CSMD1: variants seen among roughly 807,000 people sequenced by gnomAD.
The protein encoded by CSMD1 is CUB and Sushi multiple domains 1, also known as CUB and sushi domain-containing protein 1.
A neutral mutation model predicts 417.5 loss-of-function variants in CSMD1; 213 were observed. That is an observed-to-expected ratio of 0.51 (90% CI 0.46 to 0.57). The LOEUF is 0.57. Ranked by LOEUF, CSMD1 falls within the 20% of genes least tolerant of loss-of-function variation. The probability of loss-of-function intolerance (pLI) is 0.00; values close to 1 mark genes in which losing one functional copy is unlikely to be tolerated. For synonymous variants in CSMD1, 2,862 were observed against 1,736.8 expected (o/e 1.65, Z -16.11); for missense variants, 6,923 against 4,529.7 (o/e 1.53, Z -15.17).
intron 2 of CSMD1, among the ~76,000 whole-genome samples, chr8:4,529,702 T>C (rs1166920549): frequency 2.6e-5 from 4 of 152,030 alleles, no homozygotes; most frequent in Non-Finnish European, 4.4e-5. Context: ...ATTCATAGAA[T>C]ATGTGGCAAT....
intron 1 of CSMD1, among the ~76,000 whole-genome samples, chr8:4,830,279 G>T (rs912093212): frequency 1.3e-5 from 2 of 152,100 alleles, no homozygotes; most frequent in African/African-American, 4.8e-5. Context: ...GTAAAGAAAG[G>T]AACCATGAGG....
intron 1 of CSMD1, among the ~76,000 whole-genome samples, chr8:4,848,075 T>G (rs919428330): frequency 3.3e-4 from 51 of 152,278 alleles, no homozygotes; most frequent in African/African-American, 1.2e-3. Flanking sequence ...GTCATAGACA[T>G]GCTGTATGGT....
chr8:4,010,521 C>G (rs1408974414), intron 4 of CSMD1, among the ~76,000 whole-genome samples: 1 of 152,156 alleles, frequency 6.6e-6, no homozygotes, highest in Non-Finnish European at 1.5e-5. Flanking sequence ...CATGCCATCA[C>G]CATTCCCATC....
At chr8:3,789,390 GTTTTTTTTTTTAAGTAAGTT>G (rs772175300) in intron 5 of CSMD1, among the ~76,000 whole-genome samples, 17 of 136,558 alleles carry the variant, frequency 1.2e-4, no homozygotes, top group Non-Finnish European at 1.8e-4. Context: ...TTTAAGTAGT[GTTTTTTTTTTTAAGTAAGTT>G]TTTTTTTTTT....
intron 3 of CSMD1, among the ~76,000 whole-genome samples, chr8:4,121,094 A>C (rs748248952): frequency 1.3e-5 from 2 of 151,552 alleles, no homozygotes; most frequent in Non-Finnish European, 2.9e-5. Flanking sequence ...TTTTTATTTT[A>C]TTTTTTATTT....
At position 4,150,179 on chromosome 8, in the gene CSMD1, T is replaced by C. The variant is rs1026920007; in HGVS notation, c.416-118080A>G. On this transcript the variant is annotated intron_variant, in intron 3 of 69. Coordinates refer to ENST00000635120, the MANE Select transcript of CSMD1 (RefSeq NM_033225.6). The stretch of plus-strand genomic sequence containing the variant: ...GGATAGACAAAATCCAGGTATGTCC[T>C]GAGGCATCTGTCTTGTAGTCACAGG... Among the ~76,000 whole-genome samples, 6 of 152,226 alleles carry C rather than the reference T, an allele frequency of 3.9e-5. No individual in the cohort carries two copies. In the East Asian group the frequency reaches 1.2e-3, roughly 29 times the overall value.
At chr8:4,172,357 T>G (rs1797812829) in intron 3 of CSMD1, among the ~76,000 whole-genome samples, 1 of 152,108 alleles carries the variant, frequency 6.6e-6, no homozygotes, top group East Asian at 1.9e-4. Context: ...AAGTTTAAAT[T>G]GGATTACCTA....
chr8:3,901,607 G>C lies in CSMD1; in HGVS notation c.818+96296C>G, dbSNP rs555306415. Among the ~76,000 whole-genome samples the C allele has an allele frequency of 2.0e-3, 310 of 152,324 alleles. 1 individual carries two copies. The highest frequency in any genetic ancestry group is 7.1e-3 in the African/African-American group (296 of 41,574). On this transcript the variant is annotated intron_variant, in intron 5 of 69. Coordinates refer to ENST00000635120, the MANE Select transcript of CSMD1 (RefSeq NM_033225.6). ...GCCTTGGGGCTCAGATCTTTTGATA[G>C]TTTCTCTGAAAACCACCGAAGTAAA...
chr8:4,251,668 G>A (rs1314095022), intron 3 of CSMD1, among the ~76,000 whole-genome samples: 2 of 152,130 alleles, frequency 1.3e-5, no homozygotes, highest in Non-Finnish European at 2.9e-5. Context: ...TTAATAGTCT[G>A]GGATTGGTGG....
chr8:3,650,947 C>T (rs539435015), intron 7 of CSMD1, among the ~76,000 whole-genome samples: 5 of 152,284 alleles, frequency 3.3e-5, no homozygotes, highest in South Asian at 4.1e-4. Context: ...AAGCCTGCTT[C>T]GCCCACTATA....
chr8:3,535,840 A>G (rs1405149595), intron 10 of CSMD1, among the ~76,000 whole-genome samples: 3 of 152,092 alleles, frequency 2.0e-5, no homozygotes. Flanking sequence ...GTTTTTGTAT[A>G]TGAAGTGTGG....
chr8:3,448,599 A>T (rs1362671904), intron 12 of CSMD1, among the ~76,000 whole-genome samples: 1 of 152,072 alleles, frequency 6.6e-6, no homozygotes, highest in Non-Finnish European at 1.5e-5. Context: ...GTACTAATAA[A>T]AGGACCACAT....
At chr8:4,419,087 G>A (rs750795951) in intron 3 of CSMD1, among the ~76,000 whole-genome samples, 2 of 152,082 alleles carry the variant, frequency 1.3e-5, no homozygotes, top group African/African-American at 2.4e-5. Flanking sequence ...AGTATTCCCA[G>A]TAAGAATATA....
At chr8:4,319,465 T>G (rs572150129) in intron 3 of CSMD1, among the ~76,000 whole-genome samples, 56 of 152,200 alleles carry the variant, frequency 3.7e-4, no homozygotes, top group African/African-American at 1.2e-3. Flanking sequence ...AGCTACTCCT[T>G]CTTAAGGCTT....
intron 23 of CSMD1, among the ~76,000 whole-genome samples, chr8:3,308,804 A>C (rs1214041002): frequency 7.1e-6 from 1 of 139,908 alleles, no homozygotes; most frequent in African/African-American, 2.7e-5. Flanking sequence ...CCTCACTGCA[A>C]CCTCCACCTC....
At chr8:4,536,491 G>T (rs539352714) in intron 2 of CSMD1, among the ~76,000 whole-genome samples, 1 of 152,080 alleles carries the variant, frequency 6.6e-6, no homozygotes, top group African/African-American at 2.4e-5. Flanking sequence ...TCTCTACCTT[G>T]TCTTTTTCTC....
At chr8:3,718,362 T>G (rs1214319590) in intron 6 of CSMD1, among the ~76,000 whole-genome samples, 1 of 152,202 alleles carries the variant, frequency 6.6e-6, no homozygotes, top group Non-Finnish European at 1.5e-5. Flanking sequence ...AACCAAGTTT[T>G]AAGAACTACA....
At chr8:3,115,350 T>C (rs1816801897) in intron 42 of CSMD1, among the ~76,000 whole-genome samples, 1 of 152,040 alleles carries the variant, frequency 6.6e-6, no homozygotes, top group Non-Finnish European at 1.5e-5. Flanking sequence ...TACAGGTGCC[T>C]GCCACCACGC....
At chr8:3,597,796 C>T (rs1209610414) in intron 8 of CSMD1, among the ~76,000 whole-genome samples, 6 of 151,764 alleles carry the variant, frequency 4.0e-5, no homozygotes, top group African/African-American at 9.7e-5. Context: ...TGAGAATACA[C>T]GGACACAGGG....
Sources: allele counts gnomAD v4.1 joint callset (sites outside exome capture counted in the v4.1 genomes callset), GRCh38; gene constraint gnomAD v4.1.1; transcripts MANE v1.5; gene names NCBI Gene and HGNC (gene_info 2026-07-23, HGNC 2026-07-21).